The following CCR6 variants were observed in gnomAD, a reference collection of about 807,000 sequenced individuals.
CCR6 encodes the protein C-C motif chemokine receptor 6, also known as C-C chemokine receptor type 6.
In CCR6, 2 loss-of-function variants were observed where a neutral mutation model predicts 3.0. The ratio of observed to expected loss-of-function variants is 0.66; its 90% confidence interval spans 0.27 to 2.07. The LOEUF (loss-of-function observed/expected upper bound fraction) is 2.07, where lower values mean the gene tolerates loss of function less well. Ranked by LOEUF, CCR6 falls within the 30% of genes most tolerant of loss-of-function variation. The pLI, the probability that CCR6 is intolerant of heterozygous loss-of-function variation, is 0.14. For synonymous variants in CCR6, 193 were observed against 184.3 expected (o/e 1.05, Z -0.38); for missense variants, 322 against 462.8 (o/e 0.70, Z 2.79).
At chr6:167,113,135 G>A (rs1781440439) in intron 1 of CCR6, among the ~76,000 whole-genome samples, 1 of 151,850 alleles carries the variant, frequency 6.6e-6, no homozygotes, top group South Asian at 2.1e-4. Flanking sequence ...AACCTCTAAG[G>A]CAGCCTGAGA....
chr6:167,114,147 T>C (rs1269085057), intron 1 of CCR6, among the ~76,000 whole-genome samples: 4 of 152,090 alleles, frequency 2.6e-5, no homozygotes, highest in African/African-American at 9.7e-5. Flanking sequence ...TAGAGCTGGG[T>C]GTAGGAGGAC....
At position 167,137,443 on chromosome 6, in the gene CCR6, A is replaced by G; in HGVS notation, c.*88A>G. On this transcript the variant is annotated 3_prime_UTR_variant, in exon 3 of 3. Transcript: ENST00000341935. The surrounding 1 kb of genome is among the most constrained non-coding windows in gnomAD (Gnocchi z 4.6). ...GTCTATGGCCAGGTATGCATGGAAA[A>G]TGTGGGAATTAAGCAAAATCAAGCA... is the stretch of plus-strand genomic sequence containing the variant. The G allele has an allele frequency of 7.4e-7, 1 of 1,358,578 alleles. No homozygotes were observed. The highest frequency in any genetic ancestry group is 1.0e-6 in the Non-Finnish European group (1 of 999,554). 84.2% of individuals were successfully genotyped at this position (1,358,578 alleles called of 1,614,324 possible).
At chr6:167,124,506 A>C (rs1781639635) in intron 1 of CCR6, among the ~76,000 whole-genome samples, 1 of 152,184 alleles carries the variant, frequency 6.6e-6, no homozygotes, top group Non-Finnish European at 1.5e-5. Flanking sequence ...AGTATGCAAA[A>C]CTCTGATATC....
intron 1 of CCR6, chr6:167,116,049 G>A (rs1174070006): frequency 6.6e-6 from 1 of 152,270 alleles, no homozygotes; most frequent in Admixed American, 6.5e-5. Context: ...AATGACTACT[G>A]GTTAGGTGGA....
At chr6:167,117,827 G>A (rs1387754512), upstream of CCR6, among the ~76,000 whole-genome samples, 1 of 152,026 alleles carries the variant, frequency 6.6e-6, no homozygotes, top group Non-Finnish European at 1.5e-5. Context: ...CTCTCACTTG[G>A]ACATTCTTAA....
intron 1 of CCR6, among the ~76,000 whole-genome samples, chr6:167,112,611 G>C (rs1293707072): frequency 3.3e-5 from 5 of 152,178 alleles, no homozygotes; most frequent in Non-Finnish European, 7.3e-5. Flanking sequence ...TGCAGAATGG[G>C]GGGTGCTGGT....
intron 1 of CCR6, among the ~76,000 whole-genome samples, chr6:167,133,313 GGATCGAC>G (rs1313941375): frequency 6.6e-6 from 1 of 152,182 alleles, no homozygotes; most frequent in Non-Finnish European, 1.5e-5. Flanking sequence ...TAAGCAGTAA[GGATCGAC>G]TTTTTGTTCA....
At chr6:167,119,017 G>A (rs1408094458), upstream of CCR6, among the ~76,000 whole-genome samples, 1 of 152,156 alleles carries the variant, frequency 6.6e-6, no homozygotes, top group Non-Finnish European at 1.5e-5. Context: ...ACAGACGTCT[G>A]TGTCTTTGTA....
intron 1 of CCR6, chr6:167,115,094 CTGTAA>C (rs1261920256): frequency 6.6e-6 from 1 of 152,236 alleles, no homozygotes; most frequent in Non-Finnish European, 1.5e-5. Flanking sequence ...TCTTCAGGTT[CTGTAA>C]AGAATCTGTC....
Position 167,136,997 on chromosome 6 carries a change from T to A in CCR6, c.767T>A (p.Ile256Asn). The A allele has an allele frequency of 6.2e-7, 1 of 1,614,212 alleles. No individual in the cohort carries two copies. The highest frequency in any genetic ancestry group is 8.5e-7 in the Non-Finnish European group (1 of 1,180,040). ...AAAAGGCACAAAGCCATCCGTGTAA[T>A]CATAGCTGTGGTGCTTGTGTTTCTG... is the stretch of plus-strand genomic sequence containing the variant. ...NSKRHKAIRV[I>N]IAVVLVFLAC... is the part of the protein sequence containing the mutation. Residue 256 changes from isoleucine (I) to asparagine (N), a missense_variant, in exon 3 of 3, where the codon ATC becomes AAC. By Grantham distance (149) the Ile-to-Asn change is moderately radical. Coordinates refer to ENST00000341935, the MANE Select transcript of CCR6 (RefSeq NM_031409.4). This position sits in a 1 kb window ranked among gnomAD's most constrained non-coding sequence, Gnocchi z 4.6.
intron 1 of CCR6, among the ~76,000 whole-genome samples, chr6:167,113,046 T>TTGCATTA (rs1237306025): frequency 5.3e-5 from 8 of 151,738 alleles, no homozygotes; most frequent in African/African-American, 1.9e-4. Flanking sequence ...TGTTGTAATT[T>TTGCATTA]TGCATTATGT....
At chr6:167,119,607 A>G (rs1456238791), upstream of CCR6, among the ~76,000 whole-genome samples, 3 of 152,222 alleles carry the variant, frequency 2.0e-5, no homozygotes, top group Non-Finnish European at 2.9e-5. Flanking sequence ...GCCCAAATGT[A>G]TTAGCATATA....
intron 1 of CCR6, among the ~76,000 whole-genome samples, chr6:167,134,183 C>A (rs1781815455): frequency 2.0e-5 from 3 of 152,052 alleles, no homozygotes; most frequent in Admixed American, 1.3e-4. Flanking sequence ...GTAGGTTTTT[C>A]TAGTTGTTTA....
At chr6:167,112,404 T>C (rs1781429378) in intron 1 of CCR6, among the ~76,000 whole-genome samples, 1 of 152,178 alleles carries the variant, frequency 6.6e-6, no homozygotes, top group Non-Finnish European at 1.5e-5. Context: ...ACAAAGACAT[T>C]CCATACCATC....
intron 1 of CCR6, chr6:167,129,588 A>G (rs563026393): frequency 6.7e-6 from 1 of 148,258 alleles, no homozygotes; most frequent in South Asian, 2.1e-4. Context: ...CATTCCCTGA[A>G]TATTTTTGAA....
At chr6:167,126,503 ACATT>A (rs1781670916) in intron 1 of CCR6, 1 of 152,238 alleles carries the variant, frequency 6.6e-6, no homozygotes, top group Non-Finnish European at 1.5e-5. Context: ...ACCCCTTGCC[ACATT>A]CCCTGGGTCA....
In CCR6 at chr6:167,136,359, G is replaced by A; in HGVS notation, c.129G>A (p.Gln43=). 1 of 1,614,216 alleles carries A rather than the reference G, an allele frequency of 6.2e-7. No homozygotes were observed. Among genetic ancestry groups the A allele is most frequent in the East Asian group, 2.2e-5 (1 of 44,890 alleles). The change falls in exon 3 of 3, where the codon CAG becomes CAA. Residue 43 remains glutamine (Q), a synonymous_variant. Coordinates refer to ENST00000341935, the MANE Select transcript of CCR6 (RefSeq NM_031409.4). The surrounding 1 kb of genome is among the most constrained non-coding windows in gnomAD (Gnocchi z 4.6). The part of the protein sequence containing the change: ...MLLCSLQEVR[Q]FSRLFVPIAY... Reference sequence around the variant, plus strand: ...TGTGCTCCTTGCAGGAGGTCAGGCAGTTCTCCAGGCTATTTGTACCGATTG... The same window carrying A: ...TGTGCTCCTTGCAGGAGGTCAGGCAATTCTCCAGGCTATTTGTACCGATTG...
At chr6:167,130,772 T>C (rs1047092610) in intron 1 of CCR6, among the ~76,000 whole-genome samples, 4 of 151,882 alleles carry the variant, frequency 2.6e-5, no homozygotes, top group Admixed American at 1.3e-4. Context: ...TCAATTTTGG[T>C]TCATTGACTT....
chr6:167,135,908 G>A (rs1480124645), intron 1 of CCR6, 130 bp from the exon 2 acceptor site: 4 of 526,798 alleles, frequency 7.6e-6, no homozygotes, highest in Non-Finnish European at 1.3e-5. Flanking sequence ...TATTCTCAAT[G>A]AATATTTGTA....
Sources: allele counts gnomAD v4.1 joint callset (sites outside exome capture counted in the v4.1 genomes callset), GRCh38; gene constraint gnomAD v4.1.1; non-coding constraint Gnocchi (gnomAD v3.1); transcripts MANE v1.5; gene names NCBI Gene and HGNC (gene_info 2026-07-23, HGNC 2026-07-21).